ZNF469: variants seen among roughly 807,000 people sequenced by gnomAD.
ZNF469 encodes zinc finger protein 469.
ZNF469 carries 1 observed loss-of-function variant against 1.0 expected under a neutral mutation model. The ratio of observed to expected loss-of-function variants is 1.00; its 90% CI spans 0.35 to 4.73. ZNF469 has a LOEUF of 4.73. ZNF469 is among the 30% of genes most tolerant of loss of function. The pLI is 0.16. For missense variants in ZNF469, 6,100 were observed against 5,356.3 expected (o/e 1.14, Z -4.33); for synonymous variants, 2,703 against 2,363.4 (o/e 1.14, Z -4.17).
the ZNF469 span, among the ~76,000 whole-genome samples, chr16:88,271,614 C>G: frequency 1.4e-5 from 2 of 140,412 alleles, no homozygotes; most frequent in African/African-American, 5.0e-5. Context: ...GCAGGAATCC[C>G]CATGGAGCTC....
the ZNF469 span, among the ~76,000 whole-genome samples, chr16:88,322,431 T>A: frequency 1.3e-5 from 2 of 152,222 alleles, no homozygotes; most frequent in Admixed American, 1.3e-4. Flanking sequence ...GTCACGTCAG[T>A]GTCCCGGCCG....
In ZNF469 at chr16:88,433,365, A is replaced by T. The variant is rs1190412407; in HGVS notation, c.5895A>T (p.Thr1965=). 5 of 1,550,312 alleles carry T rather than the reference A, an allele frequency of 3.2e-6. No homozygotes were observed. The highest frequency in any genetic ancestry group is 2.0e-5 in the Admixed American group (1 of 51,006). The change falls in exon 3 of 3, where the codon ACA becomes ACT. Residue 1965 remains threonine, a synonymous_variant. Transcript: ENST00000565624. ...AQGSPGGVQV[T]TLPAVAGHQL... ...GCTCCCCAGGGGGTGTGCAGGTGAC[A>T]ACTCTCCCTGCAGTGGCCGGACATC...
chr16:88,278,125 A>G, the ZNF469 span, among the ~76,000 whole-genome samples: 7 of 18,374 alleles, frequency 3.8e-4, no homozygotes, highest in African/African-American at 1.1e-3. Flanking sequence ...TTAGTGCTGC[A>G]CCACACTGAC....
chr16:88,204,159 G>A, the ZNF469 span, among the ~76,000 whole-genome samples: 1 of 151,212 alleles, frequency 6.6e-6, no homozygotes, highest in Non-Finnish European at 1.5e-5. Context: ...AGCAGCCGGA[G>A]GCGCCCCGTA....
chr16:88,262,132 G>T, the ZNF469 span, among the ~76,000 whole-genome samples: 1 of 152,202 alleles, frequency 6.6e-6, no homozygotes, highest in East Asian at 1.9e-4. The surrounding 1 kb of genome is among the most constrained non-coding windows in gnomAD (Gnocchi z 4.3). Context: ...GGATTGTAGA[G>T]ACTATGTCTC....
the ZNF469 span, among the ~76,000 whole-genome samples, chr16:88,181,655 A>G: frequency 1.3e-5 from 2 of 152,244 alleles, no homozygotes; most frequent in Non-Finnish European, 2.9e-5. Flanking sequence ...CTGGCAAGGC[A>G]GTGCTTGGAA....
At chr16:88,108,997 C>G in the ZNF469 span, among the ~76,000 whole-genome samples, 2 of 152,184 alleles carry the variant, frequency 1.3e-5, no homozygotes, top group East Asian at 1.9e-4. Context: ...CCCAGAGAAA[C>G]CAAGATAATC....
chr16:88,330,319 T>C, the ZNF469 span, among the ~76,000 whole-genome samples: 2 of 152,242 alleles, frequency 1.3e-5, no homozygotes, highest in African/African-American at 2.4e-5. Context: ...CTGTGTGTAC[T>C]GTCGGATACG....
the ZNF469 span, among the ~76,000 whole-genome samples, chr16:88,108,799 T>A: frequency 3.3e-5 from 5 of 152,188 alleles, no homozygotes; most frequent in Admixed American, 2.0e-4. Context: ...CCCCAAGACC[T>A]CCTGCTCCAG....
intron 1 of ZNF469, among the ~76,000 whole-genome samples, chr16:88,423,755 T>C (rs931691334): frequency 2.6e-5 from 4 of 152,136 alleles, no homozygotes; most frequent in Admixed American, 6.5e-5. Flanking sequence ...CCTCATGGCC[T>C]CTCCACGGGG....
chr16:88,112,801 G>A, the ZNF469 span, among the ~76,000 whole-genome samples: 3 of 92,028 alleles, frequency 3.3e-5, no homozygotes, highest in South Asian at 4.0e-4. Flanking sequence ...TTTTTGAGAT[G>A]GAGTCTTGCT....
At position 88,429,849 on chromosome 16, in the gene ZNF469, C is replaced by T. The variant is rs570471039; in HGVS notation, c.2379C>T (p.His793=). ...PADAHAGLLS[H]AKTFLLAGDA... is the part of the protein sequence containing the mutation. ...ACGCACACGCGGGCTTGCTCAGCCA[C>T]GCGAAGACCTTCCTGTTAGCTGGGG... Residue 793 remains histidine (H), a synonymous_variant, in exon 3 of 3, where the codon CAC becomes CAT. Coordinates refer to ENST00000565624, the MANE Select transcript of ZNF469 (RefSeq NM_001367624.2). 4 of 1,549,718 alleles carry T rather than the reference C, an allele frequency of 2.6e-6. No homozygotes were observed. Among genetic ancestry groups the T allele is most frequent in the African/African-American group, 1.4e-5 (1 of 73,174 alleles).
chr16:88,316,545 C>CTGTTTTTTTTT, the ZNF469 span, among the ~76,000 whole-genome samples: 1 of 101,012 alleles, frequency 9.9e-6, no homozygotes, highest in East Asian at 3.8e-4. Flanking sequence ...TAGGTGCTGT[C>CTGTTTTTTTTT]TTTTTTTTTT....
At chr16:88,308,518 G>GC in the ZNF469 span, among the ~76,000 whole-genome samples, 1 of 152,124 alleles carries the variant, frequency 6.6e-6, no homozygotes, top group African/African-American at 2.4e-5. Flanking sequence ...CCCCCAGCCT[G>GC]CCCCTCCACA....
the ZNF469 span, among the ~76,000 whole-genome samples, chr16:88,310,553 C>T: frequency 6.7e-6 from 1 of 148,430 alleles, no homozygotes; most frequent in Non-Finnish European, 1.5e-5. Context: ...AGTACCTTGT[C>T]CTTCATTTTA....
At chr16:88,220,131 C>G in the ZNF469 span, among the ~76,000 whole-genome samples, 1 of 152,188 alleles carries the variant, frequency 6.6e-6, no homozygotes, top group South Asian at 2.1e-4. Flanking sequence ...GCCATGGCCC[C>G]ATGGTGGCCT....
intron 1 of ZNF469, among the ~76,000 whole-genome samples, chr16:88,404,272 C>T (rs1292043623): frequency 1.3e-5 from 2 of 152,230 alleles, no homozygotes; most frequent in Non-Finnish European, 2.9e-5. Flanking sequence ...TGTGCTTTTA[C>T]AAGCGGATTC....
the ZNF469 span, among the ~76,000 whole-genome samples, chr16:88,155,924 CCTT>C: frequency 5.3e-5 from 8 of 152,194 alleles, no homozygotes; most frequent in African/African-American, 4.8e-5. Flanking sequence ...CTGCTGTCTG[CCTT>C]CTTCTTACAG....
At chr16:88,374,743 C>CGTGTGCGGTGGGCTGAGCTCGGCGCT in the ZNF469 span, among the ~76,000 whole-genome samples, 1 of 152,148 alleles carries the variant, frequency 6.6e-6, no homozygotes, top group African/African-American at 2.4e-5. Context: ...AGCTCGGCGC[C>CGTGTGCGGTGGGCTGAGCTCGGCGCT]GTGTGCTGTG....
Sources: gnomAD v4.1 joint callset for allele counts (sites outside exome capture counted in the v4.1 genomes callset) on GRCh38, gnomAD v4.1.1 for gene constraint, Gnocchi (gnomAD v3.1) non-coding constraint, MANE v1.5 for transcripts, NCBI Gene and HGNC (gene_info 2026-07-23, HGNC 2026-07-21) for gene names.